FMN2: variants seen among roughly 807,000 people sequenced by gnomAD.
The protein encoded by FMN2 is formin-2.
FMN2 carries 51 observed loss-of-function variants against 142.3 expected under a neutral mutation model. The ratio of observed to expected loss-of-function variants is 0.36; its 90% CI spans 0.29 to 0.45. The LOEUF is 0.45. Ranked by LOEUF, FMN2 falls within the 20% of genes least tolerant of loss-of-function variation. FMN2 has a pLI of 1.00. For missense variants in FMN2, 1,936 were observed against 2,122.8 expected (o/e 0.91, Z 1.73); for synonymous variants, 882 against 869.8 (o/e 1.01, Z -0.25).
intron 3 of FMN2, among the ~76,000 whole-genome samples, chr1:240,185,147 T>C (rs113865746): frequency 5.0e-5 from 4 of 80,450 alleles, no homozygotes; most frequent in South Asian, 4.6e-4. Context: ...TCCTATACCT[T>C]CCCCTTCTCT....
At chr1:240,327,860 A>C (rs1186992917) in intron 8 of FMN2, among the ~76,000 whole-genome samples, 1 of 152,094 alleles carries the variant, frequency 6.6e-6, no homozygotes, top group Non-Finnish European at 1.5e-5. Flanking sequence ...CAAAAAGAAA[A>C]TCCAGGCCAG....
At chr1:240,291,841 A>C (rs1296291459) in intron 7 of FMN2, among the ~76,000 whole-genome samples, 1 of 152,140 alleles carries the variant, frequency 6.6e-6, no homozygotes, top group Non-Finnish European at 1.5e-5. Context: ...CTTGAGCAGG[A>C]AGGATGTTCT....
At chr1:240,346,331 G>GTATACAAATATTATTTGTATACAAAAGT (rs1671906440) in intron 13 of FMN2, among the ~76,000 whole-genome samples, 1 of 151,804 alleles carries the variant, frequency 6.6e-6, no homozygotes, top group Non-Finnish European at 1.5e-5. Flanking sequence ...TACAAATGTT[G>GTATACAAATATTATTTGTATACAAAAGT]TATACAAATA....
Position 240,208,507 on chromosome 1 carries a change from T to C in FMN2, c.3695T>C (p.Ile1232Thr). The C allele has an allele frequency of 6.2e-7, 1 of 1,609,234 alleles. No homozygotes were observed. The change falls in exon 5 of 18, where the codon ATC (isoleucine) becomes ACC (threonine). Residue 1232 changes from isoleucine to threonine, a missense_variant. Physicochemically the swap from Ile to Thr is moderately conservative, Grantham distance 89. Transcript: ENST00000319653. ...APPLPPPGTG[I>T]PPPPLLPVSG... ...CCACTCCCTCCACCTGGGACAGGAA[T>C]CCCACCGCCCCCTCTGCTTCCTGTA...
intron 2 of FMN2, among the ~76,000 whole-genome samples, chr1:240,146,066 C>T (rs923789247): frequency 6.6e-6 from 1 of 151,628 alleles, no homozygotes; most frequent in African/African-American, 2.4e-5. Context: ...ACATATGCCA[C>T]GTTCAAAGTG....
At chr1:240,192,423 T>C (rs1665732999) in intron 4 of FMN2, among the ~76,000 whole-genome samples, 1 of 152,316 alleles carries the variant, frequency 6.6e-6, no homozygotes, top group Middle Eastern at 3.4e-3. Flanking sequence ...CTTAGACATA[T>C]AGAAAGTTTC....
In FMN2 at chr1:240,388,227, C is replaced by CAA. The variant is rs761610582; in HGVS notation, c.4859-4258_4859-4257dup. Among the ~76,000 whole-genome samples the CAA allele has an allele frequency of 8.6e-3, 52 of 6,058 alleles. 1 individual carries two copies. Among genetic ancestry groups the CAA allele is most frequent in the African/African-American group, 0.031 (37 of 1,208 alleles). The allele number at this position is 6,058 out of a possible 152,430, so 4.0% of individuals were successfully genotyped here. ...TAGGAAAAAAACGTGGTGCTCAAAG[C>CAA]AAAAAAAAAAAAAAAAAAAAAAAAA... On this transcript the variant is annotated intron_variant, in intron 14 of 17. Transcript: ENST00000319653.
chr1:240,208,497 G>A lies in FMN2; in HGVS notation c.3685G>A (p.Gly1229Arg), dbSNP rs1666540664. The A allele has an allele frequency of 6.2e-7, 1 of 1,610,880 alleles. No individual in the cohort carries two copies. The highest frequency in any genetic ancestry group is 8.5e-7 in the Non-Finnish European group (1 of 1,179,070). Residue 1229 changes from glycine to arginine, a missense_variant, in exon 5 of 18, where the codon GGG becomes AGG. By Grantham distance (125) the Gly-to-Arg change is moderately radical. Coordinates refer to ENST00000319653, the MANE Select transcript of FMN2 (RefSeq NM_020066.5). ...TCCAGCTCCCCCACTCCCTCCACCT[G>A]GGACAGGAATCCCACCGCCCCCTCT... ...PAPAPPLPPP[G>R]TGIPPPPLLP...
At chr1:240,312,847 T>A (rs1670641158) in intron 8 of FMN2, among the ~76,000 whole-genome samples, 1 of 152,212 alleles carries the variant, frequency 6.6e-6, no homozygotes, top group South Asian at 2.1e-4. Context: ...CTTCTCGAAC[T>A]GATCAGATCG....
rs140042858 is a variant in FMN2 at position 240,207,283 on chromosome 1, A to G, written c.2471A>G (p.Gln824Arg). The change falls in exon 5 of 18, where the codon CAG becomes CGG. Residue 824 changes from glutamine to arginine, a missense_variant. Coordinates refer to ENST00000319653, the MANE Select transcript of FMN2 (RefSeq NM_020066.5). ...CTTCTGTGGTCTGCTGGGCAAGGAC[A>G]GCCTGGGTCACAGCCGCCCCATTCT... ...PSLLWSAGQGQPGSQPPHSIS... is the reference protein window; with the variant it reads ...PSLLWSAGQGRPGSQPPHSIS... 1.3e-4 allele frequency: 206 copies of G among 1,613,832 alleles called. No homozygotes were observed. The highest frequency in any genetic ancestry group is 2.7e-4 in the Admixed American group (16 of 59,990).
chr1:240,450,368 T>C (rs759715092), intron 16 of FMN2, among the ~76,000 whole-genome samples: 3 of 152,208 alleles, frequency 2.0e-5, no homozygotes, highest in Non-Finnish European at 2.9e-5. Flanking sequence ...TTTCATTTCA[T>C]TCTATTTCGA....
chr1:240,200,323 A>G (rs1666077999), intron 4 of FMN2, among the ~76,000 whole-genome samples: 1 of 152,192 alleles, frequency 6.6e-6, no homozygotes, highest in Non-Finnish European at 1.5e-5. Context: ...AAATTTCTTT[A>G]TAAATCCCTG....
intron 2 of FMN2, among the ~76,000 whole-genome samples, chr1:240,159,456 T>TCA (rs1444461259): frequency 2.0e-5 from 3 of 152,118 alleles, no homozygotes; most frequent in Non-Finnish European, 2.9e-5. Flanking sequence ...ACCTGAGCCG[T>TCA]CACATCTCTC....
chr1:240,105,902 A>G (rs1661589892), intron 1 of FMN2, among the ~76,000 whole-genome samples: 1 of 152,172 alleles, frequency 6.6e-6, no homozygotes, highest in Non-Finnish European at 1.5e-5. Flanking sequence ...AACAGTATAC[A>G]TTGTGTAGAT....
intron 7 of FMN2, among the ~76,000 whole-genome samples, chr1:240,287,075 G>A (rs1022165854): frequency 8.6e-5 from 13 of 152,038 alleles, no homozygotes; most frequent in African/African-American, 3.1e-4. Context: ...TTTCAATTAC[G>A]CATCCCCAAA....
At chr1:240,272,719 C>G (rs565452519) in intron 7 of FMN2, among the ~76,000 whole-genome samples, 2 of 152,032 alleles carry the variant, frequency 1.3e-5, no homozygotes, top group African/African-American at 4.8e-5. Context: ...CTCAGTGTGC[C>G]GAGACATCAG....
At chr1:240,470,357 A>G (rs1332763832) in intron 16 of FMN2, among the ~76,000 whole-genome samples, 1 of 152,320 alleles carries the variant, frequency 6.6e-6, no homozygotes, top group East Asian at 1.9e-4. Context: ...TAGAGGAAGG[A>G]TTAAAGGCAA....
chr1:240,206,982 G>T lies in FMN2; in HGVS notation c.2170G>T (p.Glu724Ter). ...GVTASGDVCL[E>*]ALRLEEKEVR... ...GACAGCCTCAGGCGATGTCTGTCTC[G>T]AAGCTCTCAGGTTAGAAGAAAAGGA... Residue 724 changes from glutamate (E) to a stop codon, truncating the protein, a stop_gained, in exon 5 of 18, where the codon GAA becomes TAA. Coordinates refer to ENST00000319653, the MANE Select transcript of FMN2 (RefSeq NM_020066.5). LOFTEE classifies it high-confidence loss of function. 1 of 1,614,138 alleles carries T rather than the reference G, an allele frequency of 6.2e-7. No homozygotes were observed. Among genetic ancestry groups the T allele is most frequent in the Non-Finnish European group, 8.5e-7 (1 of 1,180,012 alleles).
intron 2 of FMN2, among the ~76,000 whole-genome samples, chr1:240,173,984 C>T (rs1223431348): frequency 6.6e-6 from 1 of 152,114 alleles, no homozygotes; most frequent in Non-Finnish European, 1.5e-5. Flanking sequence ...GATGATGGCT[C>T]TCTAGGCAAA....
Sources: allele counts gnomAD v4.1 joint callset (sites outside exome capture counted in the v4.1 genomes callset), GRCh38; gene constraint gnomAD v4.1.1; transcripts MANE v1.5; gene names NCBI Gene and HGNC (gene_info 2026-07-23, HGNC 2026-07-21).